FSTL4: variants seen among roughly 807,000 people sequenced by gnomAD.
FSTL4 encodes follistatin like 4, also known as follistatin-related protein 4.
In FSTL4, 28 loss-of-function variants were observed where a neutral mutation model predicts 78.2. The ratio of observed to expected loss-of-function variants is 0.36; its 90% CI spans 0.27 to 0.49. FSTL4 has a LOEUF of 0.49. FSTL4 is among the 20% of genes least tolerant of loss of function. The pLI is 0.98. For synonymous variants in FSTL4, 422 were observed against 440.5 expected (o/e 0.96, Z 0.53); for missense variants, 922 against 1,084.9 (o/e 0.85, Z 2.11).
At chr5:133,809,365 C>CAA in the FSTL4 span, among the ~76,000 whole-genome samples, 55 of 72,314 alleles carry the variant, frequency 7.6e-4, no homozygotes, top group South Asian at 3.7e-3. Context: ...GACACTGTCT[C>CAA]AAAAAAAAAA....
intron 6 of FSTL4, among the ~76,000 whole-genome samples, chr5:133,305,523 C>A (rs1415930211): frequency 6.6e-6 from 1 of 152,160 alleles, no homozygotes; most frequent in African/African-American, 2.4e-5. Context: ...CCTTCCTGAC[C>A]TCTTGGGACA....
chr5:133,443,465 C>G (rs1757201633), intron 3 of FSTL4, among the ~76,000 whole-genome samples: 1 of 152,224 alleles, frequency 6.6e-6, no homozygotes, highest in African/African-American at 2.4e-5. Flanking sequence ...ACATCTGTTT[C>G]TTAAAACCAG....
the FSTL4 span, among the ~76,000 whole-genome samples, chr5:133,677,412 G>A: frequency 0.15 from 23,318 of 152,190 alleles, 4,626 homozygotes; most frequent in African/African-American, 0.47. Flanking sequence ...CCATGCAACA[G>A]CACATTAAGG....
the FSTL4 span, among the ~76,000 whole-genome samples, chr5:133,789,638 C>T: frequency 3.8e-3 from 577 of 152,318 alleles, 4 homozygotes; most frequent in Middle Eastern, 0.017. Flanking sequence ...TAACAAAGTA[C>T]CACCGACTGG....
chr5:133,732,562 C>T, the FSTL4 span, among the ~76,000 whole-genome samples: 3 of 152,126 alleles, frequency 2.0e-5, no homozygotes, highest in Admixed American at 6.5e-5. Context: ...CCACACCCAG[C>T]GAAAACTACC....
At position 133,197,758 on chromosome 5, in the gene FSTL4, A is replaced by C. The variant is rs893023875; in HGVS notation, c.*1337T>G. 6.6e-6 allele frequency: 1 copy of C among 152,208 alleles called. No homozygotes were observed. The highest frequency in any genetic ancestry group is 2.4e-5 in the African/African-American group (1 of 41,426). 9.4% of individuals were successfully genotyped at this position (152,208 alleles called of 1,614,324 possible). On this transcript the variant is annotated 3_prime_UTR_variant, in exon 16 of 16. Transcript: ENST00000265342. ...ACCAGGACACATGTAAGTTCCACTC[A>C]TATGTGGGAGAGGGAAGGCGAGCCT...
At chr5:133,454,069 T>C (rs915258864) in intron 3 of FSTL4, among the ~76,000 whole-genome samples, 1 of 152,088 alleles carries the variant, frequency 6.6e-6, no homozygotes, top group Non-Finnish European at 1.5e-5. Flanking sequence ...TGCCCAAATA[T>C]ATTACATGAG....
chr5:133,665,017 G>A, the FSTL4 span, among the ~76,000 whole-genome samples: 371 of 152,272 alleles, frequency 2.4e-3, 1 homozygote, highest in East Asian at 4.3e-3. Flanking sequence ...ACTCCAACAC[G>A]CATTTGGTGG....
chr5:133,497,129 CA>C (rs2112873722), intron 3 of FSTL4, among the ~76,000 whole-genome samples: 1 of 152,340 alleles, frequency 6.6e-6, no homozygotes, highest in South Asian at 2.1e-4. Flanking sequence ...TGGCACTGCC[CA>C]CGGTGCCCAG....
At chr5:133,331,820 T>A (rs1754353991) in intron 4 of FSTL4, among the ~76,000 whole-genome samples, 1 of 152,178 alleles carries the variant, frequency 6.6e-6, no homozygotes, top group Admixed American at 6.5e-5. Flanking sequence ...TTTCCAGGGC[T>A]TGAGCCTCTG....
At chr5:133,803,123 T>C in the FSTL4 span, among the ~76,000 whole-genome samples, 3 of 152,176 alleles carry the variant, frequency 2.0e-5, no homozygotes, top group Admixed American at 6.5e-5. Context: ...ATCATTTGTG[T>C]TGCTGGATCT....
At chr5:133,729,122 T>C in the FSTL4 span, among the ~76,000 whole-genome samples, 1 of 152,110 alleles carries the variant, frequency 6.6e-6, no homozygotes, top group African/African-American at 2.4e-5. Context: ...GAAAGGTTCC[T>C]GAAAGGCAAG....
At chr5:133,395,162 G>A (rs1369959801) in intron 4 of FSTL4, among the ~76,000 whole-genome samples, 2 of 152,194 alleles carry the variant, frequency 1.3e-5, no homozygotes, top group Non-Finnish European at 2.9e-5. Flanking sequence ...GCCCCAGCCA[G>A]CAGTGGCAAC....
the FSTL4 span, among the ~76,000 whole-genome samples, chr5:133,694,621 C>G: frequency 1.3e-5 from 2 of 152,248 alleles, no homozygotes; most frequent in African/African-American, 4.8e-5. Context: ...TCCTAGTGCT[C>G]TGGGTTCCTG....
intron 3 of FSTL4, among the ~76,000 whole-genome samples, chr5:133,439,220 A>G (rs1757100505): frequency 1.3e-5 from 2 of 152,180 alleles, no homozygotes; most frequent in South Asian, 4.1e-4. Flanking sequence ...ATAGAACAAG[A>G]GTGTCTAGGC....
the FSTL4 span, among the ~76,000 whole-genome samples, chr5:133,719,168 C>T: frequency 6.6e-6 from 1 of 151,948 alleles, no homozygotes; most frequent in Non-Finnish European, 1.5e-5. Flanking sequence ...CAATCTGACA[C>T]TGCTAAGAGT....
Position 133,377,114 on chromosome 5 carries a change from G to A in FSTL4, c.409+23624C>T, listed in dbSNP as rs553882055. Among the ~76,000 whole-genome samples, 345 of 152,232 alleles carry A rather than the reference G, an allele frequency of 2.3e-3. 1 individual carries two copies. The highest frequency in any genetic ancestry group is 3.7e-3 in the Admixed American group (57 of 15,294). Reference sequence around the variant, plus strand: ...ATGCCAGCACAACTAATCCCTGCCAGCTCCAGGCTGTGGAGACTAAATTCC... The same window carrying A: ...ATGCCAGCACAACTAATCCCTGCCAACTCCAGGCTGTGGAGACTAAATTCC... On this transcript the variant is annotated intron_variant, in intron 4 of 15. Transcript: ENST00000265342.
the FSTL4 span, among the ~76,000 whole-genome samples, chr5:133,659,130 A>G: frequency 6.6e-6 from 1 of 152,132 alleles, no homozygotes; most frequent in Non-Finnish European, 1.5e-5. Context: ...GATAAATTAT[A>G]TTACTCTAAT....
the FSTL4 span, among the ~76,000 whole-genome samples, chr5:133,791,567 T>C: frequency 0.017 from 2,615 of 152,294 alleles, 79 homozygotes; most frequent in African/African-American, 0.059. Flanking sequence ...CACATTTATT[T>C]AACAAATACC....
Sources: allele counts gnomAD v4.1 joint callset (sites outside exome capture counted in the v4.1 genomes callset), GRCh38; gene constraint gnomAD v4.1.1; transcripts MANE v1.5; gene names NCBI Gene and HGNC (gene_info 2026-07-23, HGNC 2026-07-21).